The following PALLD variants were observed in gnomAD, a reference collection of about 807,000 sequenced individuals.
The protein encoded by PALLD is palladin.
In PALLD, 61 loss-of-function variants were observed where a neutral mutation model predicts 123.5. The observed-to-expected ratio is 0.49, with a 90% confidence interval of 0.40 to 0.61. The LOEUF (loss-of-function observed/expected upper bound fraction) is 0.61. Among genes scored for constraint, PALLD ranks in the 20% least tolerant of loss-of-function variants. The pLI is 0.00. For missense variants in PALLD, 1,273 were observed against 1,377.0 expected (o/e 0.92, Z 1.20); for synonymous variants, 465 against 496.4 (o/e 0.94, Z 0.84).
At chr4:168,785,930 A>G (rs1736688453) in intron 10 of PALLD, among the ~76,000 whole-genome samples, 2 of 148,658 alleles carry the variant, frequency 1.3e-5, no homozygotes, top group Admixed American at 1.4e-4. Context: ...AGAAAGCCAC[A>G]GAAAAATGCA....
In PALLD at chr4:168,596,773, C is replaced by G. The variant is rs547336262; in HGVS notation, c.909-71417C>G. Among the ~76,000 whole-genome samples the G allele has an allele frequency of 2.7e-5, 4 of 148,688 alleles. No individual in the cohort carries two copies. The South Asian group carries it at 8.5e-4, about 32-fold the overall frequency. On this transcript the variant is annotated intron_variant, in intron 2 of 21. Coordinates refer to ENST00000505667, the MANE Select transcript of PALLD (RefSeq NM_001166108.2). The stretch of plus-strand genomic sequence containing the variant: ...AAGAAATATCTAGAATCCTTGGTTT[C>G]TAAAAAAAATTATAATTTACCATCT...
intron 10 of PALLD, among the ~76,000 whole-genome samples, chr4:168,764,704 A>G (rs1187689009): frequency 6.6e-6 from 1 of 152,122 alleles, no homozygotes; most frequent in Non-Finnish European, 1.5e-5. Flanking sequence ...TTCTTCTCAG[A>G]TTCAAAGATT....
chr4:168,793,377 C>T (rs1737920011), intron 10 of PALLD, among the ~76,000 whole-genome samples: 1 of 145,746 alleles, frequency 6.9e-6, no homozygotes, highest in African/African-American at 2.6e-5. Context: ...ATATATATCA[C>T]ATATATATAC....
chr4:168,849,117 T>C (rs894700084), intron 10 of PALLD, among the ~76,000 whole-genome samples: 1 of 152,230 alleles, frequency 6.6e-6, no homozygotes, highest in African/African-American at 2.4e-5. Context: ...ATATTTCAGG[T>C]TCTCCCACAT....
intron 1 of PALLD, among the ~76,000 whole-genome samples, chr4:168,500,746 T>C (rs1761318318): frequency 6.6e-6 from 1 of 152,140 alleles, no homozygotes; most frequent in Non-Finnish European, 1.5e-5. Context: ...TTTCAGGTAA[T>C]CTATCCCCAA....
intron 10 of PALLD, among the ~76,000 whole-genome samples, chr4:168,743,240 G>A (rs1041441976): frequency 1.3e-4 from 20 of 152,144 alleles, no homozygotes; most frequent in African/African-American, 4.6e-4. Flanking sequence ...TGTTTAATGG[G>A]TGGATTGAAT....
At chr4:168,847,188 C>A (rs1472401197) in intron 10 of PALLD, among the ~76,000 whole-genome samples, 2 of 152,144 alleles carry the variant, frequency 1.3e-5, no homozygotes, top group African/African-American at 4.8e-5. Context: ...TATCCTTTGA[C>A]CCAATAATCT....
intron 2 of PALLD, among the ~76,000 whole-genome samples, chr4:168,519,681 AAC>A (rs10544686): frequency 0.74 from 111,837 of 151,210 alleles, 41,546 homozygotes; most frequent in East Asian, 0.86. Flanking sequence ...ATTAGGCACA[AAC>A]ACACACACAC....
chr4:168,680,496 A>C (rs78337143), intron 3 of PALLD, among the ~76,000 whole-genome samples: 56 of 125,488 alleles, frequency 4.5e-4, no homozygotes, highest in South Asian at 1.7e-3. Context: ...AAAAAAAAAA[A>C]AAAAAAAAAA....
chr4:168,681,478 G>C lies in PALLD; in HGVS notation c.1154+80G>C, dbSNP rs551916721. On this transcript the variant is annotated intron_variant, in intron 4 of 21. Coordinates refer to ENST00000505667, the MANE Select transcript of PALLD (RefSeq NM_001166108.2). ...GTTGGGGTATGAAACCATGTTTGCT[G>C]TGCTTTGAAGAAAAAAGTCAACTGA... 2.7e-4 allele frequency: 246 copies of C among 896,258 alleles called. 2 individuals carry two copies. The African/African-American group carries it at 3.8e-3, about 14-fold the overall frequency. 55.5% of individuals were successfully genotyped at this position (896,258 alleles called of 1,614,324 possible). A position where few individuals can be genotyped will look rare whatever the true frequency, so the allele number is the denominator to read the frequency against.
intron 2 of PALLD, among the ~76,000 whole-genome samples, chr4:168,564,983 G>T (rs1399546345): frequency 1.3e-5 from 2 of 150,234 alleles, no homozygotes; most frequent in African/African-American, 4.9e-5. Context: ...CTTGAGCCTA[G>T]GAGACCAGCC....
intron 10 of PALLD, among the ~76,000 whole-genome samples, chr4:168,787,398 T>C (rs917762672): frequency 1.1e-4 from 17 of 152,254 alleles, no homozygotes; most frequent in Non-Finnish European, 1.6e-4. Context: ...GGAAGTAGTA[T>C]TGAAGTTTTC....
chr4:168,802,349 T>C (rs1739466166), intron 10 of PALLD, among the ~76,000 whole-genome samples: 1 of 152,114 alleles, frequency 6.6e-6, no homozygotes, highest in Non-Finnish European at 1.5e-5. Flanking sequence ...TGTCCCAGGA[T>C]TGGATAAAGA....
At chr4:168,762,800 A>C (rs1301751284) in intron 10 of PALLD, among the ~76,000 whole-genome samples, 2 of 152,260 alleles carry the variant, frequency 1.3e-5, no homozygotes, top group Admixed American at 6.5e-5. Context: ...GATAGACTAC[A>C]TAAAGAAAAT....
At chr4:168,608,333 C>T (rs1773392618) in intron 2 of PALLD, among the ~76,000 whole-genome samples, 1 of 152,138 alleles carries the variant, frequency 6.6e-6, no homozygotes, top group Non-Finnish European at 1.5e-5. Flanking sequence ...CAATGAGCCC[C>T]CCATTTGCAT....
chr4:168,569,424 G>A (rs898472681), intron 2 of PALLD, among the ~76,000 whole-genome samples: 3 of 152,010 alleles, frequency 2.0e-5, no homozygotes, highest in Admixed American at 1.3e-4. Flanking sequence ...GTAAATACTT[G>A]GGGACTTTTA....
chr4:168,777,828 C>A (rs116005255), intron 10 of PALLD, among the ~76,000 whole-genome samples: 17 of 152,302 alleles, frequency 1.1e-4, no homozygotes, highest in Non-Finnish European at 2.2e-4. Context: ...CTCCCCACCC[C>A]CTTCATTCAA....
intron 8 of PALLD, among the ~76,000 whole-genome samples, chr4:168,706,216 A>G (rs113782979): frequency 3.9e-5 from 6 of 152,250 alleles, no homozygotes; most frequent in Admixed American, 2.6e-4. Context: ...TTCTAAGAGT[A>G]TGACTAGTTT....
At chr4:168,896,405 A>G (rs548814502) in intron 12 of PALLD, 144 bp from the exon 13 acceptor site, 16 of 638,674 alleles carry the variant, frequency 2.5e-5, no homozygotes, top group Non-Finnish European at 3.9e-5. Flanking sequence ...TGAGAAGCAG[A>G]ATGGTTGTGT....
Sources: allele counts gnomAD v4.1 joint callset (sites outside exome capture counted in the v4.1 genomes callset), GRCh38; gene constraint gnomAD v4.1.1; transcripts MANE v1.5; gene names NCBI Gene and HGNC (gene_info 2026-07-23, HGNC 2026-07-21).